The following XKR6 variants were observed in gnomAD, a reference collection of about 807,000 sequenced individuals.
XKR6 encodes the protein XK related 6, also known as XK-related protein 6.
A neutral mutation model predicts 56.7 loss-of-function variants in XKR6; 22 were observed. The ratio of observed to expected loss-of-function variants is 0.39; its 90% CI spans 0.28 to 0.55. The LOEUF is 0.55. XKR6 is among the 20% of genes least tolerant of loss of function. XKR6 has a pLI of 0.66. For missense variants in XKR6, 852 were observed against 889.0 expected (o/e 0.96, Z 0.53); for synonymous variants, 524 against 387.8 (o/e 1.35, Z -4.13).
At chr8:11,081,267 G>C (rs11990965) in intron 1 of XKR6, among the ~76,000 whole-genome samples, 2,604 of 152,304 alleles carry the variant, frequency 0.017, 77 homozygotes, top group African/African-American at 0.058. Flanking sequence ...CCTTTAGCTT[G>C]ACCTCGGCTT....
At position 11,144,966 on chromosome 8, in the gene XKR6, G is replaced by A. The variant is rs1471261272; in HGVS notation, c.764+55610C>T. 2.7e-5 allele frequency among the ~76,000 whole-genome samples: 4 copies of A among 147,998 alleles called. No homozygotes were observed. The South Asian group carries it at 8.7e-4, about 32-fold the overall frequency. ...GGAAAGAAGGGAGAGAAGGGAGGAA[G>A]GAAGGGAGAGAAGGGAGGGATGGAG... is the stretch of plus-strand genomic sequence containing the variant. On this transcript the variant is annotated intron_variant, in intron 1 of 2. Coordinates refer to ENST00000416569, the MANE Select transcript of XKR6 (RefSeq NM_173683.4).
At chr8:11,009,016 A>G (rs1054410141) in intron 1 of XKR6, among the ~76,000 whole-genome samples, 2 of 149,844 alleles carry the variant, frequency 1.3e-5, no homozygotes, top group South Asian at 4.2e-4. Flanking sequence ...AGTGGCATAT[A>G]GGGGTGTTGT....
At chr8:11,132,281 G>A (rs1232580018) in intron 1 of XKR6, among the ~76,000 whole-genome samples, 3 of 152,116 alleles carry the variant, frequency 2.0e-5, no homozygotes, top group African/African-American at 7.2e-5. Context: ...CAGAGCTACT[G>A]TCTAAACAAC....
At position 11,193,111 on chromosome 8, in the gene XKR6, AG is replaced by A. The variant is rs533866918; in HGVS notation, c.764+7464del. On this transcript the variant is annotated intron_variant, in intron 1 of 2. Coordinates refer to ENST00000416569, the MANE Select transcript of XKR6 (RefSeq NM_173683.4). ...AATTATCAACCCTACCTTTCCTCCA[AG>A]AGGGTGGTGAAGAAAACAATATGTA... Among the ~76,000 whole-genome samples, 387 of 152,346 alleles carry A rather than the reference AG, an allele frequency of 2.5e-3. 1 individual carries two copies. The highest frequency in any genetic ancestry group is 4.6e-3 in the Non-Finnish European group (313 of 68,032).
chr8:10,998,533 G>A (rs1489531018), intron 1 of XKR6, among the ~76,000 whole-genome samples: 1 of 152,188 alleles, frequency 6.6e-6, no homozygotes, highest in Non-Finnish European at 1.5e-5. Context: ...ATTTGATTCA[G>A]ATTTATTAGG....
intron 1 of XKR6, among the ~76,000 whole-genome samples, chr8:11,094,752 A>G (rs975120866): frequency 6.6e-6 from 1 of 152,178 alleles, no homozygotes; most frequent in Non-Finnish European, 1.5e-5. Context: ...TGTCAATGTC[A>G]TCATCAGCAT....
chr8:11,103,951 G>A (rs1379580805), intron 1 of XKR6, among the ~76,000 whole-genome samples: 1 of 152,324 alleles, frequency 6.6e-6, no homozygotes, highest in South Asian at 2.1e-4. Context: ...GCTGACAGCT[G>A]TCGTACCCTT....
At chr8:10,997,257 A>G (rs572874735) in intron 1 of XKR6, among the ~76,000 whole-genome samples, 22 of 152,236 alleles carry the variant, frequency 1.4e-4, no homozygotes, top group African/African-American at 2.6e-4. Flanking sequence ...CACCTTATAC[A>G]TACCTGTTTT....
At chr8:11,127,560 T>C (rs1799872266) in intron 1 of XKR6, among the ~76,000 whole-genome samples, 1 of 152,176 alleles carries the variant, frequency 6.6e-6, no homozygotes, top group South Asian at 2.1e-4. Flanking sequence ...CATATATTCA[T>C]TGGCTTGTGG....
At chr8:11,069,825 C>T (rs1305544485) in intron 1 of XKR6, among the ~76,000 whole-genome samples, 1 of 152,148 alleles carries the variant, frequency 6.6e-6, no homozygotes, top group Non-Finnish European at 1.5e-5. Context: ...GGCCCAGACT[C>T]ACTGACAGGC....
In XKR6 at chr8:10,959,624, G is replaced by A. The variant is rs544140680; in HGVS notation, c.765-34794C>T. Among the ~76,000 whole-genome samples the A allele has an allele frequency of 8.5e-5, 13 of 152,208 alleles. No individual in the cohort carries two copies. The South Asian group carries it at 1.0e-3, about 12-fold the overall frequency. ...CGTCTTCTTATATGGACACTAATCC[G>A]TTGCTGAGGCCCCACCTTCATGACC... On this transcript the variant is annotated intron_variant, in intron 1 of 2. Coordinates refer to ENST00000416569, the MANE Select transcript of XKR6 (RefSeq NM_173683.4).
chr8:11,075,112 A>C (rs1264999450), intron 1 of XKR6, among the ~76,000 whole-genome samples: 2 of 152,148 alleles, frequency 1.3e-5, no homozygotes, highest in African/African-American at 4.8e-5. Context: ...CGCCCTGCAG[A>C]GGCTCCCATA....
chr8:11,107,091 T>A (rs1798707076), intron 1 of XKR6, among the ~76,000 whole-genome samples: 1 of 152,018 alleles, frequency 6.6e-6, no homozygotes. Context: ...CTATCTTGAC[T>A]TATGACAAAA....
chr8:11,135,607 A>G (rs1800350624), intron 1 of XKR6, among the ~76,000 whole-genome samples: 1 of 152,192 alleles, frequency 6.6e-6, no homozygotes, highest in South Asian at 2.1e-4. Flanking sequence ...TTCTAAAATC[A>G]CATTAACTAA....
chr8:11,135,325 G>C (rs186327344), intron 1 of XKR6, among the ~76,000 whole-genome samples: 2 of 152,140 alleles, frequency 1.3e-5, no homozygotes, highest in Middle Eastern at 3.4e-3. Context: ...CACCATGCCC[G>C]GCCAAAAAGC....
At chr8:10,976,779 GTC>G (rs371557861) in intron 1 of XKR6, among the ~76,000 whole-genome samples, 28 of 135,896 alleles carry the variant, frequency 2.1e-4, no homozygotes, top group Non-Finnish European at 3.4e-4. Context: ...CTCTCTCTCT[GTC>G]TCTCTCTCTC....
At chr8:11,122,263 G>A (rs1293127663) in intron 1 of XKR6, among the ~76,000 whole-genome samples, 3 of 152,206 alleles carry the variant, frequency 2.0e-5, no homozygotes, top group Non-Finnish European at 2.9e-5. Flanking sequence ...CTGGTAAAAC[G>A]TCACTGAAGA....
intron 2 of XKR6, among the ~76,000 whole-genome samples, chr8:10,912,431 G>C (rs1800417732): frequency 7.9e-6 from 1 of 126,606 alleles, no homozygotes; most frequent in Non-Finnish European, 1.6e-5. Context: ...ATATATATGA[G>C]AGACGATAGG....
At chr8:11,069,253 A>C (rs952401620) in intron 1 of XKR6, among the ~76,000 whole-genome samples, 237 of 152,108 alleles carry the variant, frequency 1.6e-3, no homozygotes, top group African/African-American at 5.4e-3. Context: ...AAAAAAAAAA[A>C]ATCTACATTT....
Sources: gnomAD v4.1 joint callset for allele counts (sites outside exome capture counted in the v4.1 genomes callset) on GRCh38, gnomAD v4.1.1 for gene constraint, MANE v1.5 for transcripts, NCBI Gene and HGNC (gene_info 2026-07-23, HGNC 2026-07-21) for gene names.